The following ACAN variants were observed in gnomAD, a reference collection of about 807,000 sequenced individuals.
The protein encoded by ACAN is aggrecan core protein.
In ACAN, 47 loss-of-function variants were observed where a neutral mutation model predicts 169.1. The observed-to-expected ratio is 0.28, with a 90% CI of 0.22 to 0.35. The LOEUF (loss-of-function observed/expected upper bound fraction) is 0.35, where lower values mean the gene tolerates loss of function less well. ACAN is among the 10% of genes least tolerant of loss of function. ACAN has a pLI of 1.00. For missense variants in ACAN, 2,716 were observed against 2,759.9 expected (o/e 0.98, Z 0.36); for synonymous variants, 1,115 against 1,112.2 (o/e 1.00, Z -0.05).
intron 1 of ACAN, among the ~76,000 whole-genome samples, chr15:88,825,280 C>G (rs1451723509): frequency 6.6e-6 from 1 of 152,156 alleles, no homozygotes; most frequent in African/African-American, 2.4e-5. Context: ...CAGGATCAGA[C>G]TACCCAGGGA....
In ACAN at chr15:88,869,568, C is replaced by T. The variant is rs1185481172; in HGVS notation, c.7060+1239C>T. On this transcript the variant is annotated intron_variant, in intron 14 of 18. Transcript: ENST00000560601. The surrounding 1 kb of genome is among the most constrained non-coding windows in gnomAD (Gnocchi z 4.2). ...TACAAGGATTTTCTCCCCATGATAC[C>T]ACAACATTTGCCACAGGGTAGAAGA... 6.6e-6 allele frequency among the ~76,000 whole-genome samples: 1 copy of T among 152,182 alleles called. No individual in the cohort carries two copies. The highest frequency in any genetic ancestry group is 1.5e-5 in the Non-Finnish European group (1 of 68,028).
Position 88,858,845 on chromosome 15 carries a change from C to G in ACAN, c.6260C>G (p.Pro2087Arg). The G allele has an allele frequency of 6.2e-7, 1 of 1,613,526 alleles. No homozygotes were observed. Among genetic ancestry groups the G allele is most frequent in the Non-Finnish European group, 8.5e-7 (1 of 1,179,678 alleles). ...GDISGATPVL[P>R]GSGVEVSSVP... ...ATTAGTGGAGCTACCCCAGTGCTCC[C>G]TGGGTCTGGAGTAGAAGTATCATCA... The change falls in exon 12 of 19, where the codon CCT (proline) becomes CGT (arginine). Residue 2087 changes from proline to arginine, a missense_variant. By Grantham distance (103) the Pro-to-Arg change is moderately radical (BLOSUM62 -2). Coordinates refer to ENST00000560601, the MANE Select transcript of ACAN (RefSeq NM_001369268.1). The surrounding 1 kb of genome is among the most constrained non-coding windows in gnomAD (Gnocchi z 4.0).
At chr15:88,844,902 A>G (rs16942332) in intron 6 of ACAN, among the ~76,000 whole-genome samples, 3,173 of 152,276 alleles carry the variant, frequency 0.021, 100 homozygotes, top group African/African-American at 0.07. Context: ...TACACGTTTC[A>G]TTTCCACAAC....
chr15:88,804,477 C>T (rs571068040), intron 1 of ACAN, among the ~76,000 whole-genome samples: 1 of 152,278 alleles, frequency 6.6e-6, no homozygotes, highest in South Asian at 2.1e-4. Flanking sequence ...GTGCCCTGAA[C>T]ACACGGGTGT....
intron 7 of ACAN, 105 bp downstream of exon 7, chr15:88,845,987 C>T (rs1329503892): frequency 2.4e-6 from 3 of 1,256,886 alleles, no homozygotes; most frequent in East Asian, 2.6e-5. Flanking sequence ...TAACCTGGCA[C>T]GTGGGACAAT....
At position 88,849,004 on chromosome 15, in the gene ACAN, G is replaced by T. The variant is rs1335430473; in HGVS notation, c.1733-434G>T. 2.6e-5 allele frequency among the ~76,000 whole-genome samples: 4 copies of T among 152,212 alleles called. No individual in the cohort carries two copies. The highest frequency in any genetic ancestry group is 1.3e-4 in the Admixed American group (2 of 15,286). On this transcript the variant is annotated intron_variant, in intron 9 of 18. Coordinates refer to ENST00000560601, the MANE Select transcript of ACAN (RefSeq NM_001369268.1). This position sits in a 1 kb window ranked among gnomAD's most constrained non-coding sequence, Gnocchi z 5.1. The stretch of plus-strand genomic sequence containing the variant: ...TGGATGAGTTCCCAGGGTGTGGGGT[G>T]AGCACGTCCACAGCAGTCACAGTGA...
intron 2 of ACAN, among the ~76,000 whole-genome samples, chr15:88,837,427 G>T (rs908681957): frequency 1.3e-5 from 2 of 152,186 alleles, no homozygotes; most frequent in Non-Finnish European, 2.9e-5. Context: ...ACAATCTGTT[G>T]GCCTGATTTA....
chr15:88,856,966 A>G lies in ACAN; in HGVS notation c.4381A>G (p.Thr1461Ala), dbSNP rs534608385. 14 of 1,609,956 alleles carry G rather than the reference A, an allele frequency of 8.7e-6. No individual in the cohort carries two copies. In the East Asian group the frequency reaches 2.7e-4, roughly 31 times the overall value. The stretch of plus-strand genomic sequence containing the variant: ...TTCTGGAGAAGTTCTAGAGACTTCT[A>G]CCTCTGCGGTAGGGGACCTCAGTGG... ...LPSGEVLETS[T>A]SAVGDLSGLP... The change falls in exon 12 of 19, where the codon ACC (threonine) becomes GCC (alanine). Residue 1461 changes from threonine to alanine, a missense_variant. Thr to Ala is a moderately conservative substitution (Grantham distance 58). Around this residue, in one of 3 missense-constraint regions of ACAN, gnomAD observed 1,389 missense variants for 1,363.7 expected, o/e 1.02. Coordinates refer to ENST00000560601, the MANE Select transcript of ACAN (RefSeq NM_001369268.1).
Position 88,849,728 on chromosome 15 carries a change from C to T in ACAN, c.2023C>T (p.Arg675Ter), listed in dbSNP as rs1356219990. 6.2e-7 allele frequency: 1 copy of T among 1,613,606 alleles called. No homozygotes were observed. Among genetic ancestry groups the T allele is most frequent in the Non-Finnish European group, 8.5e-7 (1 of 1,179,814 alleles). Residue 675 changes from arginine (R) to a stop codon, truncating the protein, a stop_gained, in exon 10 of 19, where the codon CGA becomes TGA. Transcript: ENST00000560601. LOFTEE classifies it high-confidence loss of function. The surrounding 1 kb of genome is among the most constrained non-coding windows in gnomAD (Gnocchi z 5.1). Reference sequence around the variant, plus strand: ...GTCCCGGCACCATGCCTTCTGCTTCCGAGGTATGCAGCCTCACTTCGGCTC... The same window carrying T: ...GTCCCGGCACCATGCCTTCTGCTTCTGAGGTATGCAGCCTCACTTCGGCTC... ...PLSRHHAFCF[R>*]GISAVPSPGE...
At chr15:88,827,068 A>C (rs1373839950) in intron 1 of ACAN, among the ~76,000 whole-genome samples, 1 of 152,132 alleles carries the variant, frequency 6.6e-6, no homozygotes, top group African/African-American at 2.4e-5. Flanking sequence ...GGAGTTCCTG[A>C]CATACAGCAG....
In ACAN at chr15:88,836,190, C is replaced by A. The variant is rs747727343; in HGVS notation, c.-7-10C>A. Reference sequence around the variant, plus strand: ...CTGTCTAAATAACGCCTCTGCCTCCCCTCTTCCAGGTGAACTATGACCACT... The same window carrying A: ...CTGTCTAAATAACGCCTCTGCCTCCACTCTTCCAGGTGAACTATGACCACT... On this transcript the variant is annotated splice_polypyrimidine_tract_variant and intron_variant, in intron 1 of 18. Coordinates refer to ENST00000560601, the MANE Select transcript of ACAN (RefSeq NM_001369268.1). The A allele has an allele frequency of 1.1e-5, 17 of 1,609,872 alleles. No homozygotes were observed.
chr15:88,831,897 G>A (rs1207348053), intron 1 of ACAN, among the ~76,000 whole-genome samples: 1 of 152,212 alleles, frequency 6.6e-6, no homozygotes, highest in Non-Finnish European at 1.5e-5. Context: ...AGGAACAGCA[G>A]GCAGGAAGCA....
intron 1 of ACAN, among the ~76,000 whole-genome samples, chr15:88,827,345 TG>T (rs1896249276): frequency 6.6e-6 from 1 of 152,174 alleles, no homozygotes; most frequent in African/African-American, 2.4e-5. Context: ...GTTGGTGGGG[TG>T]GGGGGCCCCA....
intron 2 of ACAN, among the ~76,000 whole-genome samples, 172 bp downstream of exon 2, chr15:88,836,448 C>T (rs987536287): frequency 3.3e-5 from 5 of 152,126 alleles, no homozygotes; most frequent in African/African-American, 1.2e-4. Context: ...GATGGGATAG[C>T]ACCCATGCGC....
chr15:88,874,799 G>C lies in ACAN; in HGVS notation c.*318G>C. The C allele has an allele frequency of 2.4e-6, 1 of 416,282 alleles. No homozygotes were observed. The highest frequency in any genetic ancestry group is 5.4e-5 in the East Asian group (1 of 18,684). The allele number at this position is 416,282 out of a possible 1,614,324, so 25.8% of individuals were successfully genotyped here. On this transcript the variant is annotated 3_prime_UTR_variant, in exon 19 of 19. Transcript: ENST00000560601. This position sits in a 1 kb window ranked among gnomAD's most constrained non-coding sequence, Gnocchi z 7.3. Reference sequence around the variant, plus strand: ...GCAGGGACAGGGGGAGAAGGGGAGGGGTTAAGTTAAATAAAGAAGATTATT... The same window carrying C: ...GCAGGGACAGGGGGAGAAGGGGAGGCGTTAAGTTAAATAAAGAAGATTATT...
chr15:88,839,960 G>C lies in ACAN; in HGVS notation c.455-52G>C. On this transcript the variant is annotated intron_variant, in intron 3 of 18. Coordinates refer to ENST00000560601, the MANE Select transcript of ACAN (RefSeq NM_001369268.1). The surrounding 1 kb of genome is among the most constrained non-coding windows in gnomAD (Gnocchi z 4.5). The stretch of plus-strand genomic sequence containing the variant: ...AATTCTGCGAGGGCCTCGGTGATCA[G>C]AGACTGTGCCTGACCAGCTCTTCCG... 6.4e-7 allele frequency: 1 copy of C among 1,556,080 alleles called. No individual in the cohort carries two copies. Among genetic ancestry groups the C allele is most frequent in the Non-Finnish European group, 8.7e-7 (1 of 1,146,804 alleles).
Position 88,818,624 on chromosome 15 carries a change from A to G in ACAN, c.-8+14815A>G, listed in dbSNP as rs139534641. Among the ~76,000 whole-genome samples the G allele has an allele frequency of 2.8e-3, 427 of 152,302 alleles. 4 individuals are homozygous for G. Among genetic ancestry groups the G allele is most frequent in the African/African-American group, 9.7e-3 (405 of 41,562 alleles). On this transcript the variant is annotated intron_variant, in intron 1 of 18. Coordinates refer to ENST00000560601, the MANE Select transcript of ACAN (RefSeq NM_001369268.1). Reference sequence around the variant, plus strand: ...GCCAATTAATTTATTGGCCACTCAAATACTCAATAGTCTGACTCAGCAATG... The same window carrying G: ...GCCAATTAATTTATTGGCCACTCAAGTACTCAATAGTCTGACTCAGCAATG...
At position 88,856,853 on chromosome 15, in the gene ACAN, C is replaced by T. The variant is rs759176877; in HGVS notation, c.4268C>T (p.Ala1423Val). The change falls in exon 12 of 19, where the codon GCC becomes GTC. Residue 1423 changes from alanine to valine, a missense_variant. Physicochemically the swap from Ala to Val is moderately conservative, Grantham distance 64 (BLOSUM62 0). Transcript: ENST00000560601. Reference protein sequence around the residue: ...LPSGEVLETTAPGVDEISGLP... With the variant: ...LPSGEVLETTVPGVDEISGLP... ...TCTGGAGAAGTTCTAGAGACTACTG[C>T]CCCTGGAGTAGATGAGATCAGTGGG... 2 of 1,570,660 alleles carry T rather than the reference C, an allele frequency of 1.3e-6. No individual in the cohort carries two copies. Among genetic ancestry groups the T allele is most frequent in the African/African-American group, 1.4e-5 (1 of 72,196 alleles).
intron 1 of ACAN, among the ~76,000 whole-genome samples, chr15:88,810,560 C>G (rs1446349397): frequency 6.6e-6 from 1 of 152,116 alleles, no homozygotes; most frequent in African/African-American, 2.4e-5. Flanking sequence ...CCCCTCCAGC[C>G]CATCTCCCTT....
Sources: gnomAD v4.1 joint callset for allele counts (sites outside exome capture counted in the v4.1 genomes callset) on GRCh38, gnomAD v4.1.1 for gene constraint, gnomAD v4.1.1 regional missense constraint, Gnocchi (gnomAD v3.1) non-coding constraint, MANE v1.5 for transcripts, NCBI Gene and HGNC (gene_info 2026-07-23, HGNC 2026-07-21) for gene names.